Variants in CD33 observed in about 807,000 individuals in gnomAD.
The protein encoded by CD33 is CD33 molecule.
CD33 carries 25 observed loss-of-function variants against 31.4 expected under a neutral mutation model. That is an observed-to-expected ratio of 0.80 (90% CI 0.58 to 1.11). The LOEUF is 1.11. CD33 is among the 50% of genes most tolerant of loss of function. The pLI, the probability that CD33 is intolerant of heterozygous loss-of-function variation, is 0.00. For synonymous variants in CD33, 176 were observed against 180.6 expected, an observed-to-expected ratio of 0.97 and a Z score of 0.20; for missense variants, 407 against 448.1, an observed-to-expected ratio of 0.91 and a Z score of 0.83.
chr19:51,211,467 C>T, the CD33 span: 2 of 1,566,444 alleles, frequency 1.3e-6, no homozygotes, highest in Admixed American at 1.9e-5. Context: ...CCAGTAAGAA[C>T]AACTGCTCCC....
the CD33 span, chr19:51,212,024 C>A: frequency 1.0e-6 from 1 of 955,060 alleles, no homozygotes; most frequent in Non-Finnish European, 1.6e-6. Context: ...TGACGTTCCC[C>A]GGAGCTGGTG....
chr19:51,239,471 C>T, intron 6 of CD33, 47 bp from the exon 7 acceptor site: 1 of 1,428,568 alleles, frequency 7.0e-7, no homozygotes, highest in East Asian at 2.5e-5. Flanking sequence ...TCTCCTGGTC[C>T]CCCTCCTCAC....
At chr19:51,223,362 G>C (rs897373828), upstream of CD33, among the ~76,000 whole-genome samples, 2 of 152,190 alleles carry the variant, frequency 1.3e-5, no homozygotes, top group African/African-American at 4.8e-5. Context: ...TATTAGTAAG[G>C]ATGAATGAAG....
chr19:51,225,652 G>A (rs1457252238), intron 2 of CD33, 54 bp downstream of exon 2: 15 of 1,536,836 alleles, frequency 9.8e-6, no homozygotes, highest in African/African-American at 1.4e-5. Flanking sequence ...GTACTGCAGG[G>A]CAGGGCTGGG....
the CD33 span, among the ~76,000 whole-genome samples, chr19:51,214,398 A>G: frequency 1.1e-4 from 17 of 150,460 alleles, no homozygotes; most frequent in East Asian, 2.4e-3. Context: ...GGGTTTCACC[A>G]TGTTGGTCAG....
chr19:51,211,230 A>T, the CD33 span: 82 of 1,568,718 alleles, frequency 5.2e-5, 5 homozygotes, highest in Admixed American at 1.9e-4. Flanking sequence ...TGGATCCAAA[A>T]ATCCGGCTGC....
chr19:51,222,526 C>T (rs1380418308), upstream of CD33, among the ~76,000 whole-genome samples: 1 of 152,138 alleles, frequency 6.6e-6, no homozygotes, highest in African/African-American at 2.4e-5. Context: ...AAATGGAATA[C>T]TACTTAACAA....
chr19:51,224,951 T>G, upstream of CD33: 3 of 824,588 alleles, frequency 3.6e-6, no homozygotes, highest in Middle Eastern at 3.5e-4. Context: ...GGTCAATCTG[T>G]GTGGAGGGGA....
At chr19:51,212,003 C>T in the CD33 span, 1 of 1,081,924 alleles carries the variant, frequency 9.2e-7, no homozygotes, top group Non-Finnish European at 1.4e-6. Flanking sequence ...GCACCAACCT[C>T]ACCTGTCGAG....
chr19:51,213,364 A>G, the CD33 span, among the ~76,000 whole-genome samples: 5 of 152,198 alleles, frequency 3.3e-5, no homozygotes, highest in African/African-American at 1.2e-4. Flanking sequence ...AGAACATTTT[A>G]ATCACTCAAA....
At chr19:51,213,492 C>T in the CD33 span, among the ~76,000 whole-genome samples, 1 of 152,108 alleles carries the variant, frequency 6.6e-6, no homozygotes, top group Admixed American at 6.6e-5. Context: ...CAAAAATTCT[C>T]ATTTTTCTTT....
chr19:51,219,338 T>TAGA, the CD33 span, among the ~76,000 whole-genome samples: 1 of 152,240 alleles, frequency 6.6e-6, no homozygotes, highest in Non-Finnish European at 1.5e-5. Flanking sequence ...TGTTGGTGTA[T>TAGA]AGAAGTGCTA....
upstream of CD33, chr19:51,224,973 C>T (rs772551005): frequency 5.1e-6 from 5 of 977,062 alleles, no homozygotes; most frequent in Non-Finnish European, 7.9e-6. Flanking sequence ...AAGCTCTGAG[C>T]ATGTGTGGGT....
chr19:51,212,802 C>A, the CD33 span, among the ~76,000 whole-genome samples: 4 of 152,172 alleles, frequency 2.6e-5, no homozygotes, highest in African/African-American at 9.7e-5. Context: ...ACCCTGGCTG[C>A]TCTGAGCCTT....
chr19:51,239,578 G>T lies in CD33; in HGVS notation c.985G>T (p.Ala329Ser). The change falls in exon 7 of 7, where the codon GCC (alanine) becomes TCC (serine). Residue 329 changes from alanine to serine, a missense_variant. Physicochemically the swap from Ala to Ser is moderately conservative, Grantham distance 99. Transcript: ENST00000262262. ...PTETSSCSGA[A>S]PTVEMDEELH... ...TGAAACCTCAAGCTGTTCAGGTGCC[G>T]CCCCTACTGTGGAGATGGATGAGGA... 3 of 1,613,488 alleles carry T rather than the reference G, an allele frequency of 1.9e-6. No homozygotes were observed. Among genetic ancestry groups the T allele is most frequent in the Middle Eastern group, 1.6e-4 (1 of 6,062 alleles).
At chr19:51,228,593 A>G (rs1184080753) in intron 4 of CD33, among the ~76,000 whole-genome samples, 1 of 152,168 alleles carries the variant, frequency 6.6e-6, no homozygotes, top group Non-Finnish European at 1.5e-5. Flanking sequence ...TGATTTTTGT[A>G]TATTGATTTT....
chr19:51,211,991 C>T, the CD33 span: 19 of 1,121,698 alleles, frequency 1.7e-5, no homozygotes, highest in African/African-American at 4.7e-5. Context: ...CCCAGGACCA[C>T]GGCACCAACC....
At chr19:51,239,244 A>C (rs1283561840) in intron 6 of CD33, 4 of 270,720 alleles carry the variant, frequency 1.5e-5, no homozygotes, top group Non-Finnish European at 2.8e-5. Flanking sequence ...AATGGATTAA[A>C]ATAATAGATG....
chr19:51,225,648 C>T (rs1340299195), intron 2 of CD33, 50 bp downstream of exon 2: 15 of 1,536,696 alleles, frequency 9.8e-6, no homozygotes, highest in Non-Finnish European at 1.2e-5. Flanking sequence ...ATGGGTACTG[C>T]AGGGCAGGGC....
Sources: gnomAD v4.1 joint callset for allele counts (sites outside exome capture counted in the v4.1 genomes callset) on GRCh38, gnomAD v4.1.1 for gene constraint, MANE v1.5 for transcripts, NCBI Gene and HGNC (gene_info 2026-07-23, HGNC 2026-07-21) for gene names.